The following DCAF10 variants were observed in gnomAD, a reference collection of about 807,000 sequenced individuals.
DCAF10 encodes DDB1- and CUL4-associated factor 10.
In DCAF10, 19 loss-of-function variants were observed where a neutral mutation model predicts 51.9. The observed-to-expected ratio is 0.37, with a 90% CI of 0.26 to 0.54. DCAF10 has a LOEUF of 0.54. DCAF10 is among the 20% of genes least tolerant of loss of function. The pLI is 0.87. For missense variants in DCAF10, 510 were observed against 730.6 expected (o/e 0.70, Z 3.48); for synonymous variants, 291 against 297.1 (o/e 0.98, Z 0.21).
chr9:37,804,529 C>A (rs555549146), intron 1 of DCAF10, among the ~76,000 whole-genome samples: 8 of 152,260 alleles, frequency 5.3e-5, no homozygotes, highest in African/African-American at 1.4e-4. Flanking sequence ...GTAATCCCAG[C>A]ACTTTCGGAG....
At position 37,842,185 on chromosome 9, in the gene DCAF10, T is replaced by A. The variant is rs1471296548; in HGVS notation, c.750T>A (p.His250Gln). 6.2e-7 allele frequency: 1 copy of A among 1,613,878 alleles called. No homozygotes were observed. The highest frequency in any genetic ancestry group is 1.3e-5 in the African/African-American group (1 of 74,940). ...TGAACACCAAAGTATGCACTTTACA[T>A]GGTCACACTAGCTGGGTGAAGAACA... ...RKLNTKVCTL[H>Q]GHTSWVKNIE... The change falls in exon 3 of 7, where the codon CAT becomes CAA. Residue 250 changes from histidine (H) to glutamine (Q), a missense_variant. Transcript: ENST00000377724.
At position 37,861,398 on chromosome 9, in the gene DCAF10, C is replaced by T. The variant is rs1289953418; in HGVS notation, c.1570C>T (p.Leu524=). The change falls in exon 7 of 7, where the codon CTG becomes TTG. Residue 524 remains leucine (L), a synonymous_variant. Transcript: ENST00000377724. The surrounding 1 kb of genome is among the most constrained non-coding windows in gnomAD (Gnocchi z 4.9). The stretch of plus-strand genomic sequence containing the variant: ...CAGTCCCCTGCGGGTGATCCGTTCT[C>T]TGTACTCTCATAATGATGTGGTACT... The part of the protein sequence containing the change: ...EASPLRVIRS[L]YSHNDVVLTT... The T allele has an allele frequency of 2.5e-6, 4 of 1,614,192 alleles. No individual in the cohort carries two copies. Among genetic ancestry groups the T allele is most frequent in the Admixed American group, 3.3e-5 (2 of 60,024 alleles).
intron 4 of DCAF10, among the ~76,000 whole-genome samples, chr9:37,855,791 C>T (rs1381781372): frequency 1.3e-5 from 2 of 152,204 alleles, no homozygotes; most frequent in African/African-American, 4.8e-5. Flanking sequence ...GGGAGGATCG[C>T]TTGAGCCCAG....
chr9:37,805,204 G>A (rs535677973), intron 1 of DCAF10, among the ~76,000 whole-genome samples: 1 of 152,266 alleles, frequency 6.6e-6, no homozygotes, highest in African/African-American at 2.4e-5. Flanking sequence ...AAGTGAGGCC[G>A]GGTGTGGTGG....
rs546831269 is a variant in DCAF10, at chr9:37,862,026, G to C, written c.*518G>C. Reference sequence around the variant, plus strand: ...TTATGAGTATACTTGGCCTTTTAAAGTTACTGTTATGTTTATCTATATTGA... The same window carrying C: ...TTATGAGTATACTTGGCCTTTTAAACTTACTGTTATGTTTATCTATATTGA... On this transcript the variant is annotated 3_prime_UTR_variant, in exon 7 of 7. Coordinates refer to ENST00000377724, the MANE Select transcript of DCAF10 (RefSeq NM_024345.5). The C allele has an allele frequency of 1.9e-5, 3 of 154,266 alleles. No individual in the cohort carries two copies. The East Asian group carries it at 5.7e-4, about 29-fold the overall frequency. 9.6% of individuals were successfully genotyped at this position (154,266 alleles called of 1,614,324 possible).
chr9:37,842,235 T>A lies in DCAF10; in HGVS notation c.800T>A (p.Leu267His), dbSNP rs1310351692. The A allele has an allele frequency of 2.5e-6, 4 of 1,613,880 alleles. No homozygotes were observed. The highest frequency in any genetic ancestry group is 3.4e-6 in the Non-Finnish European group (4 of 1,179,910). ...ATCGAATATGATACTAATACAAGAC[T>A]CTTAGTAACATCAGGATTTGATGGA... ...KNIEYDTNTRLLVTSGFDGNV... is the reference protein window; with the variant it reads ...KNIEYDTNTRHLVTSGFDGNV... Residue 267 changes from leucine (L) to histidine (H), a missense_variant, in exon 3 of 7, where the codon CTC (leucine) becomes CAC (histidine). This residue lies in a region of DCAF10 where 126 missense variants were observed against 271.5 expected (regional missense o/e 0.46). Coordinates refer to ENST00000377724, the MANE Select transcript of DCAF10 (RefSeq NM_024345.5).
intron 5 of DCAF10, 81 bp from the exon 6 acceptor site, chr9:37,859,967 T>C (rs991072754): frequency 1.9e-6 from 3 of 1,541,520 alleles, no homozygotes; most frequent in African/African-American, 2.7e-5. Flanking sequence ...GGGAGGTGGC[T>C]GCCAGAAATA....
intron 2 of DCAF10, among the ~76,000 whole-genome samples, chr9:37,828,288 T>C (rs960602392): frequency 1.3e-5 from 2 of 151,756 alleles, no homozygotes; most frequent in African/African-American, 2.4e-5. Context: ...CAATTTTCAA[T>C]TGGATTCAGG....
intron 1 of DCAF10, among the ~76,000 whole-genome samples, chr9:37,803,649 G>A (rs995495842): frequency 2.0e-5 from 3 of 147,676 alleles, no homozygotes; most frequent in Non-Finnish European, 4.5e-5. Flanking sequence ...TAATTTTTCA[G>A]TCTTCTTACT....
chr9:37,801,607 G>A lies in DCAF10; in HGVS notation c.539+202G>A, dbSNP rs1279151528. 6.6e-6 allele frequency among the ~76,000 whole-genome samples: 1 copy of A among 152,194 alleles called. No individual in the cohort carries two copies. The highest frequency in any genetic ancestry group is 1.5e-5 in the Non-Finnish European group (1 of 68,032). On this transcript the variant is annotated intron_variant, in intron 1 of 6. Coordinates refer to ENST00000377724, the MANE Select transcript of DCAF10 (RefSeq NM_024345.5). The surrounding 1 kb of genome is among the most constrained non-coding windows in gnomAD (Gnocchi z 5.5). ...GCCCAGCTTTTTGAGGCAGGCAGGC[G>A]GGGCCCCACTTGCTCGCCTTCAGGA...
chr9:37,829,958 G>A lies in DCAF10; in HGVS notation c.653+10557G>A, dbSNP rs779508694. Reference sequence around the variant, plus strand: ...TTTGAGGCTGCAGGGAGCCATGATTGCACCACTGCATTCCAGTCTGGGTGA... The same window carrying A: ...TTTGAGGCTGCAGGGAGCCATGATTACACCACTGCATTCCAGTCTGGGTGA... On this transcript the variant is annotated intron_variant, in intron 2 of 6. Transcript: ENST00000377724. This position sits in a 1 kb window ranked among gnomAD's most constrained non-coding sequence, Gnocchi z 4.2. Among the ~76,000 whole-genome samples the A allele has an allele frequency of 1.6e-4, 25 of 152,276 alleles. No individual in the cohort carries two copies. Among genetic ancestry groups the A allele is most frequent in the Non-Finnish European group, 2.6e-4 (18 of 68,034 alleles).
At chr9:37,853,716 C>T (rs960470982) in intron 3 of DCAF10, among the ~76,000 whole-genome samples, 44 of 152,166 alleles carry the variant, frequency 2.9e-4, no homozygotes, top group African/African-American at 4.1e-4. Context: ...AAACCATCCT[C>T]GCACCTCAGT....
At chr9:37,812,915 A>C (rs1478898334) in intron 1 of DCAF10, among the ~76,000 whole-genome samples, 1 of 152,078 alleles carries the variant, frequency 6.6e-6, no homozygotes, top group Admixed American at 6.5e-5. Context: ...TATCTAAAAA[A>C]TTAAATATTA....
At chr9:37,846,987 C>T (rs376064114) in intron 3 of DCAF10, among the ~76,000 whole-genome samples, 1 of 151,740 alleles carries the variant, frequency 6.6e-6, no homozygotes, top group Admixed American at 6.6e-5. Flanking sequence ...GGTGTGGTGG[C>T]TCATGCCTGT....
chr9:37,846,708 G>A (rs999846082), intron 3 of DCAF10, among the ~76,000 whole-genome samples: 15 of 151,886 alleles, frequency 9.9e-5, no homozygotes, highest in African/African-American at 3.4e-4. Context: ...TGCCCACCTC[G>A]GCCTCCCAAA....
chr9:37,812,963 T>C (rs761644188), intron 1 of DCAF10, among the ~76,000 whole-genome samples: 1 of 152,204 alleles, frequency 6.6e-6, no homozygotes, highest in Non-Finnish European at 1.5e-5. Context: ...CTAAGGTTCT[T>C]GCATCATCCA....
rs1177957644 is a variant in DCAF10, at chr9:37,850,840, A to G, written c.852-3940A>G. On this transcript the variant is annotated intron_variant, in intron 3 of 6. Coordinates refer to ENST00000377724, the MANE Select transcript of DCAF10 (RefSeq NM_024345.5). ...GAGGATATATTTTATATATATATATATATATATATATATATATATATATAT... is the reference window on the plus strand; with the variant it reads ...GAGGATATATTTTATATATATATATGTATATATATATATATATATATATAT... 2.6e-3 allele frequency among the ~76,000 whole-genome samples: 58 copies of G among 22,430 alleles called. 1 individual carries two copies. Among genetic ancestry groups the G allele is most frequent in the South Asian group, 0.02 (14 of 714 alleles). 14.7% of individuals were successfully genotyped at this position (22,430 alleles called of 152,430 possible). A position where few individuals can be genotyped will look rare whatever the true frequency, so the allele number is the denominator to read the frequency against.
chr9:37,824,850 A>G (rs1564031981), intron 2 of DCAF10, among the ~76,000 whole-genome samples: 1 of 152,160 alleles, frequency 6.6e-6, no homozygotes. Context: ...AACAGTACAC[A>G]TTAATAAAAG....
chr9:37,827,291 G>T (rs1028727500), intron 2 of DCAF10, among the ~76,000 whole-genome samples: 5 of 152,078 alleles, frequency 3.3e-5, no homozygotes, highest in African/African-American at 4.8e-5. Flanking sequence ...GCACAGATTG[G>T]TGATGAAAAT....
Sources: allele counts gnomAD v4.1 joint callset (sites outside exome capture counted in the v4.1 genomes callset), GRCh38; gene constraint gnomAD v4.1.1; regional missense constraint gnomAD v4.1.1; non-coding constraint Gnocchi (gnomAD v3.1); transcripts MANE v1.5; gene names NCBI Gene and HGNC (gene_info 2026-07-23, HGNC 2026-07-21).